CHD1L: variants seen among roughly 807,000 people sequenced by gnomAD.
The protein encoded by CHD1L is ATP-dependent chromatin remodeler CHD1L.
CHD1L carries 118 observed loss-of-function variants against 115.9 expected under a neutral mutation model. The ratio of observed to expected loss-of-function variants is 1.02; its 90% confidence interval spans 0.88 to 1.19. The LOEUF (loss-of-function observed/expected upper bound fraction) is 1.19, where lower values mean the gene tolerates loss of function less well. Among genes scored for constraint, CHD1L ranks in the 50% most tolerant of loss-of-function variants. The pLI is 0.00. For missense variants in CHD1L, 1,179 were observed against 1,065.3 expected, an observed-to-expected ratio of 1.11 and a Z score of -1.49; for synonymous variants, 411 against 387.1, an observed-to-expected ratio of 1.06 and a Z score of -0.72.
chr1:147,177,566 C>A, the CHD1L span, among the ~76,000 whole-genome samples: 15 of 152,160 alleles, frequency 9.9e-5, no homozygotes, highest in Non-Finnish European at 1.9e-4. Context: ...AGGCTAACAT[C>A]TCTAGTATGT....
chr1:147,270,855 TG>T, intron 10 of CHD1L, 76 bp from the exon 11 acceptor site: 1 of 1,144,986 alleles, frequency 8.7e-7, no homozygotes, highest in Admixed American at 1.7e-5. Context: ...TTTTATTGTT[TG>T]GTAAATTTTG....
chr1:147,245,883 C>T (rs1666450109), intron 1 of CHD1L, among the ~76,000 whole-genome samples: 2 of 151,970 alleles, frequency 1.3e-5, no homozygotes, highest in African/African-American at 2.4e-5. Flanking sequence ...ACCCAGTTTC[C>T]CCTCGTGGTC....
In CHD1L at chr1:147,262,195, C is replaced by CAAA. The variant is rs11346769; in HGVS notation, c.577-2212_577-2210dup. 4.4e-3 allele frequency among the ~76,000 whole-genome samples: 548 copies of CAAA among 125,938 alleles called. 11 individuals are homozygous for CAAA. The highest frequency in any genetic ancestry group is 6.8e-3 in the Admixed American group (82 of 12,068). 82.6% of individuals were successfully genotyped at this position (125,938 alleles called of 152,430 possible). On this transcript the variant is annotated intron_variant, in intron 6 of 22. Transcript: ENST00000369258. Reference sequence around the variant, plus strand: ...TGGGCGACAGAGCGAGACTCTGTCTCAAAAAAAAAAAAAAAAATAGTTGGA... The same window carrying CAAA: ...TGGGCGACAGAGCGAGACTCTGTCTCAAAAAAAAAAAAAAAAAAAATAGTTGGA...
Position 147,252,594 on chromosome 1 carries a change from T to C in CHD1L, c.128-29T>C, listed in dbSNP as rs587769199. 1.9e-6 allele frequency: 3 copies of C among 1,563,490 alleles called. No individual in the cohort carries two copies. The South Asian group carries it at 3.3e-5, about 17-fold the overall frequency. On this transcript the variant is annotated intron_variant, in intron 1 of 22. Transcript: ENST00000369258. ...TCTGCATGTACTGAAATGTCTGCTC[T>C]TCGGATTTGCTGTATTTTTTGTTTC...
At chr1:147,261,791 GGTTGCAGATAAC>G (rs1672027532) in intron 6 of CHD1L, among the ~76,000 whole-genome samples, 1 of 152,142 alleles carries the variant, frequency 6.6e-6, no homozygotes. Context: ...ATGAAGCTTG[GGTTGCAGATAAC>G]TAGTTGGAAA....
chr1:147,264,392 A>G (rs1553946414), intron 6 of CHD1L, 30 bp from the exon 7 acceptor site: 5 of 1,536,962 alleles, frequency 3.3e-6, no homozygotes, highest in Middle Eastern at 1.7e-4. Context: ...GTGTTATGGA[A>G]TTTTTATTTT....
chr1:147,272,516 C>A (rs1278899265), intron 12 of CHD1L: 1 of 359,004 alleles, frequency 2.8e-6, no homozygotes, highest in Non-Finnish European at 5.0e-6. Flanking sequence ...TAATTCTAAT[C>A]TGCTTTGACC....
chr1:147,277,299 A>C (rs1678884006), intron 14 of CHD1L, among the ~76,000 whole-genome samples: 1 of 152,188 alleles, frequency 6.6e-6, no homozygotes, highest in African/African-American at 2.4e-5. Flanking sequence ...CCATCAAAAA[A>C]CATAAGTGTT....
chr1:147,212,948 T>C, the CHD1L span, among the ~76,000 whole-genome samples: 3 of 152,230 alleles, frequency 2.0e-5, no homozygotes, highest in South Asian at 6.2e-4. Flanking sequence ...AAGACTGAAA[T>C]TCTTCAAGCT....
At chr1:147,218,361 G>A in the CHD1L span, among the ~76,000 whole-genome samples, 21,760 of 151,634 alleles carry the variant, frequency 0.14, 1,528 homozygotes, top group South Asian at 0.18. Context: ...TCAGCCTCCC[G>A]AGTAGCTGGG....
intron 19 of CHD1L, among the ~76,000 whole-genome samples, chr1:147,288,331 A>AAAAAAAG (rs1478574558): frequency 5.0e-3 from 8 of 1,606 alleles, no homozygotes; most frequent in Non-Finnish European, 0.022. Context: ...TCAATAAAAA[A>AAAAAAAG]AAAAAAAAAA....
At chr1:147,288,337 A>AAAAAAG (rs1274067930) in intron 19 of CHD1L, among the ~76,000 whole-genome samples, 11 of 1,292 alleles carry the variant, frequency 8.5e-3, no homozygotes, top group Non-Finnish European at 0.024. Context: ...AAAAAAAAAA[A>AAAAAAG]AAAAAAAAAG....
chr1:147,196,646 CTG>C, the CHD1L span, among the ~76,000 whole-genome samples: 5 of 151,804 alleles, frequency 3.3e-5, no homozygotes, highest in South Asian at 1.0e-3. Flanking sequence ...CGTGTATACT[CTG>C]TGGTACAGTT....
At chr1:147,184,181 A>G in the CHD1L span, 1 of 171,732 alleles carries the variant, frequency 5.8e-6, no homozygotes, top group Admixed American at 6.2e-5. This position sits in a 1 kb window ranked among gnomAD's most constrained non-coding sequence, Gnocchi z 4.4. Flanking sequence ...CTGCCAGACC[A>G]TAGCTCTGGG....
intron 13 of CHD1L, among the ~76,000 whole-genome samples, chr1:147,275,716 C>T (rs1321465259): frequency 1.3e-5 from 2 of 149,046 alleles, no homozygotes; most frequent in Non-Finnish European, 3.0e-5. Context: ...AGTCATTTAA[C>T]TCATCCTTCT....
At position 147,249,945 on chromosome 1, in the gene CHD1L, A is replaced by G. The variant is rs188757226; in HGVS notation, c.128-2678A>G. On this transcript the variant is annotated intron_variant, in intron 1 of 22. Transcript: ENST00000369258. ...TGATTGTAATCTCTCTATAACTTCTATTCTGTAGAGTTCACTGATTCTTTC... is the reference window on the plus strand; with the variant it reads ...TGATTGTAATCTCTCTATAACTTCTGTTCTGTAGAGTTCACTGATTCTTTC... Among the ~76,000 whole-genome samples the G allele has an allele frequency of 4.4e-4, 67 of 152,012 alleles. 1 individual carries two copies. Among genetic ancestry groups the G allele is most frequent in the Non-Finnish European group, 8.8e-4 (60 of 67,982 alleles).
the CHD1L span, chr1:147,184,557 C>T: frequency 1.3e-6 from 2 of 1,549,026 alleles, no homozygotes; most frequent in South Asian, 2.4e-5. This position sits in a 1 kb window ranked among gnomAD's most constrained non-coding sequence, Gnocchi z 4.4. Flanking sequence ...ATGATCTTGA[C>T]AGTTTTGAGG....
At chr1:147,185,656 C>G in the CHD1L span, among the ~76,000 whole-genome samples, 5 of 152,258 alleles carry the variant, frequency 3.3e-5, no homozygotes, top group African/African-American at 1.2e-4. Flanking sequence ...TTGGTCTTTT[C>G]CATTGTTCAG....
the CHD1L span, chr1:147,178,100 C>T: frequency 8.4e-6 from 13 of 1,541,476 alleles, no homozygotes; most frequent in Admixed American, 1.8e-5. Context: ...CTGCCCCCAC[C>T]CCACCTCGCC....
Sources: allele counts gnomAD v4.1 joint callset (sites outside exome capture counted in the v4.1 genomes callset), GRCh38; gene constraint gnomAD v4.1.1; non-coding constraint Gnocchi (gnomAD v3.1); transcripts MANE v1.5; gene names NCBI Gene and HGNC (gene_info 2026-07-23, HGNC 2026-07-21).